PDSS2: variants seen among roughly 807,000 people sequenced by gnomAD.
The protein encoded by PDSS2 is all trans-polyprenyl-diphosphate synthase PDSS2.
PDSS2 carries 31 observed loss-of-function variants against 44.5 expected under a neutral mutation model. The observed-to-expected ratio is 0.70, with a 90% CI of 0.52 to 0.94. The LOEUF (loss-of-function observed/expected upper bound fraction) is 0.94. Among genes scored for constraint, PDSS2 ranks in the 40% least tolerant of loss-of-function variants. The pLI is 0.00. For synonymous variants in PDSS2, 157 were observed against 180.3 expected (o/e 0.87, Z 1.03); for missense variants, 452 against 482.2 (o/e 0.94, Z 0.59).
intron 3 of PDSS2, among the ~76,000 whole-genome samples, chr6:107,253,903 C>T (rs1774911607): frequency 6.6e-6 from 1 of 152,116 alleles, no homozygotes; most frequent in Non-Finnish European, 1.5e-5. Flanking sequence ...TAGCTCGTGC[C>T]TGTAATCCCA....
At chr6:107,353,921 T>C (rs763670655) in intron 1 of PDSS2, among the ~76,000 whole-genome samples, 3 of 152,318 alleles carry the variant, frequency 2.0e-5, no homozygotes, top group South Asian at 2.1e-4. Flanking sequence ...TTTGGAAATG[T>C]AGTTTCCATG....
rs190242467 is a variant in PDSS2 at position 107,373,248 on chromosome 6, G to T, written c.297-38916C>A. 1.6e-4 allele frequency among the ~76,000 whole-genome samples: 24 copies of T among 152,258 alleles called. No individual in the cohort carries two copies. The East Asian group carries it at 4.2e-3, about 27-fold the overall frequency. ...GATCCGCCCGCCTTGGACTCCCAAA[G>T]TGCTGAGATTACAAGCGTGAGCCAC... On this transcript the variant is annotated intron_variant, in intron 1 of 7. Coordinates refer to ENST00000369037, the MANE Select transcript of PDSS2 (RefSeq NM_020381.4).
chr6:107,336,023 G>A (rs1777878895), intron 1 of PDSS2, among the ~76,000 whole-genome samples: 2 of 129,984 alleles, frequency 1.5e-5, no homozygotes, highest in Non-Finnish European at 3.3e-5. Context: ...GGGGGGTGGG[G>A]GGTGGGGCAT....
intron 3 of PDSS2, chr6:107,264,536 G>C: frequency 7.3e-7 from 1 of 1,363,618 alleles, no homozygotes; most frequent in African/African-American, 1.4e-5. Context: ...AAAATAACGT[G>C]ATAAATTCCA....
intron 1 of PDSS2, among the ~76,000 whole-genome samples, chr6:107,378,184 A>G (rs190033400): frequency 1.7e-4 from 26 of 151,338 alleles, no homozygotes; most frequent in African/African-American, 5.8e-4. Flanking sequence ...TGTGAAAAAA[A>G]TGAATTTTCC....
chr6:107,234,355 G>A (rs1774156401), intron 4 of PDSS2, among the ~76,000 whole-genome samples: 1 of 152,026 alleles, frequency 6.6e-6, no homozygotes, highest in Admixed American at 6.6e-5. Flanking sequence ...ATAGGCGCGT[G>A]CCACTATGCC....
intron 1 of PDSS2, among the ~76,000 whole-genome samples, chr6:107,408,804 G>C (rs1360699653): frequency 1.3e-5 from 2 of 152,140 alleles, no homozygotes; most frequent in Non-Finnish European, 2.9e-5. Context: ...TGAGCAAAAT[G>C]AATCAGAGAA....
intron 1 of PDSS2, among the ~76,000 whole-genome samples, chr6:107,365,944 T>C (rs9386636): frequency 0.18 from 27,968 of 151,968 alleles, 2,681 homozygotes; most frequent in East Asian, 0.31. Context: ...GGAAAAATAG[T>C]TGGAGAATTC....
intron 1 of PDSS2, among the ~76,000 whole-genome samples, chr6:107,370,505 A>G (rs1247132961): frequency 6.6e-6 from 1 of 152,228 alleles, no homozygotes; most frequent in Admixed American, 6.5e-5. Context: ...CATCAGCAAA[A>G]TTAAAGAATC....
At chr6:107,319,750 G>T (rs1021958408) in intron 2 of PDSS2, among the ~76,000 whole-genome samples, 8 of 152,146 alleles carry the variant, frequency 5.3e-5, no homozygotes, top group African/African-American at 9.7e-5. Flanking sequence ...CGTTGCAGAC[G>T]TGTCAGTAAC....
intron 1 of PDSS2, among the ~76,000 whole-genome samples, chr6:107,432,115 T>C (rs1415374727): frequency 6.6e-6 from 1 of 152,206 alleles, no homozygotes; most frequent in East Asian, 1.9e-4. Context: ...AACCTACTAC[T>C]GAATGAAAGT....
intron 7 of PDSS2, among the ~76,000 whole-genome samples, chr6:107,185,156 G>A (rs1772123315): frequency 6.9e-6 from 1 of 145,092 alleles, no homozygotes. Flanking sequence ...AGAAGAAGAA[G>A]GAGAAGGAGA....
intron 2 of PDSS2, among the ~76,000 whole-genome samples, chr6:107,333,318 C>T (rs1777770514): frequency 6.6e-6 from 1 of 152,080 alleles, no homozygotes; most frequent in Admixed American, 6.5e-5. Context: ...TGCTGACATA[C>T]TGTTACTAAA....
At chr6:107,157,391 G>T (rs2115094091) in intron 7 of PDSS2, among the ~76,000 whole-genome samples, 1 of 152,082 alleles carries the variant, frequency 6.6e-6, no homozygotes, top group East Asian at 1.9e-4. Context: ...TCACTATATT[G>T]CCCAAGCTAA....
At chr6:107,276,051 CAA>C (rs1357928566) in intron 2 of PDSS2, among the ~76,000 whole-genome samples, 1 of 130,240 alleles carries the variant, frequency 7.7e-6, no homozygotes, top group Non-Finnish European at 1.6e-5. Flanking sequence ...CTCAGGAGTT[CAA>C]AGTTATAGTG....
intron 1 of PDSS2, among the ~76,000 whole-genome samples, chr6:107,368,899 T>C (rs368394358): frequency 6.6e-6 from 1 of 152,186 alleles, no homozygotes. Context: ...ATTAGAGGAC[T>C]TGTACTACTA....
chr6:107,154,204 G>A lies in PDSS2; in HGVS notation c.*415C>T. The A allele has an allele frequency of 4.4e-6, 1 of 228,344 alleles. No homozygotes were observed. Among genetic ancestry groups the A allele is most frequent in the East Asian group, 1.1e-4 (1 of 9,016 alleles). 14.1% of individuals were successfully genotyped at this position (228,344 alleles called of 1,614,324 possible). A position where few individuals can be genotyped will look rare whatever the true frequency, so the allele number is the denominator to read the frequency against. On this transcript the variant is annotated 3_prime_UTR_variant, in exon 8 of 8. Coordinates refer to ENST00000369037, the MANE Select transcript of PDSS2 (RefSeq NM_020381.4). The stretch of plus-strand genomic sequence containing the variant: ...AGTTTTTGATTAGACAATCCTCCCT[G>A]GTTGGTATTGAGAGCATTTCTCTTG...
chr6:107,260,955 C>G (rs1456948204), intron 3 of PDSS2, among the ~76,000 whole-genome samples: 3 of 152,174 alleles, frequency 2.0e-5, no homozygotes, highest in Non-Finnish European at 2.9e-5. Flanking sequence ...AGCCATCGCG[C>G]CTGGCCCCCC....
At chr6:107,390,619 A>G (rs1779749951) in intron 1 of PDSS2, among the ~76,000 whole-genome samples, 1 of 152,250 alleles carries the variant, frequency 6.6e-6, no homozygotes, top group African/African-American at 2.4e-5. Context: ...ATAGTAACGT[A>G]CCACTGTTGA....
Sources: gnomAD v4.1 joint callset for allele counts (sites outside exome capture counted in the v4.1 genomes callset) on GRCh38, gnomAD v4.1.1 for gene constraint, MANE v1.5 for transcripts, NCBI Gene and HGNC (gene_info 2026-07-23, HGNC 2026-07-21) for gene names.